The following PARP14 variants were observed in gnomAD, a reference collection of about 807,000 sequenced individuals.
The protein encoded by PARP14 is protein mono-ADP-ribosyltransferase PARP14.
Under a neutral mutation model 154.2 loss-of-function variants are expected in PARP14, and 59 were observed. The ratio of observed to expected loss-of-function variants is 0.38; its 90% CI spans 0.31 to 0.48. PARP14 has a LOEUF of 0.48. Ranked by LOEUF, PARP14 falls within the 20% of genes least tolerant of loss-of-function variation. The pLI is 0.98. For missense variants in PARP14, 1,734 were observed against 2,131.6 expected, an observed-to-expected ratio of 0.81 and a Z score of 3.67; for synonymous variants, 720 against 780.5, an observed-to-expected ratio of 0.92 and a Z score of 1.29.
chr3:122,688,987 G>A (rs1938460358), intron 3 of PARP14, among the ~76,000 whole-genome samples: 1 of 152,188 alleles, frequency 6.6e-6, no homozygotes, highest in African/African-American at 2.4e-5. Flanking sequence ...GGCTGGGTCT[G>A]AAAGGTGGAA....
Position 122,701,551 on chromosome 3 carries a change from G to C in PARP14, c.2997G>C (p.Gly999=), listed in dbSNP as rs754312373. The part of the protein sequence containing the change: ...PGLPPAAAGP[G]KTSWEKGSLV... Reference sequence around the variant, plus strand: ...TACCACCAGCAGCAGCGGGGCCTGGGAAAACATCATGGGAAAAAGGAAGCC... The same window carrying C: ...TACCACCAGCAGCAGCGGGGCCTGGCAAAACATCATGGGAAAAAGGAAGCC... Residue 999 remains glycine (G), a synonymous_variant, in exon 6 of 17, where the codon GGG becomes GGC. Transcript: ENST00000474629. This position sits in a 1 kb window ranked among gnomAD's most constrained non-coding sequence, Gnocchi z 4.0. The C allele has an allele frequency of 6.2e-7, 1 of 1,610,814 alleles. No individual in the cohort carries two copies. The highest frequency in any genetic ancestry group is 1.7e-5 in the Admixed American group (1 of 59,354).
intron 5 of PARP14, among the ~76,000 whole-genome samples, chr3:122,697,180 C>G (rs2107641903): frequency 6.6e-6 from 1 of 152,242 alleles, no homozygotes; most frequent in South Asian, 2.1e-4. Context: ...TCTTGAACTC[C>G]TGGGCTCAAG....
chr3:122,728,056 G>C, intron 16 of PARP14, 70 bp downstream of exon 16: 1 of 1,393,212 alleles, frequency 7.2e-7, no homozygotes, highest in South Asian at 1.3e-5. Context: ...GGCTGGGACA[G>C]TGTGGATTCA....
intron 12 of PARP14, among the ~76,000 whole-genome samples, chr3:122,717,479 G>GATCTCCA (rs1560079676): frequency 6.6e-6 from 1 of 151,748 alleles, no homozygotes; most frequent in Non-Finnish European, 1.5e-5. Flanking sequence ...GGAGGGAAAG[G>GATCTCCA]CTTCTTGGAG....
At chr3:122,708,372 T>G in intron 9 of PARP14, 104 bp downstream of exon 9, 1 of 650,354 alleles carries the variant, frequency 1.5e-6, no homozygotes, top group East Asian at 2.7e-5. Context: ...AAAAAATCAA[T>G]GAGTGACAAA....
intron 11 of PARP14, 125 bp downstream of exon 11, chr3:122,714,059 A>C (rs968491813): frequency 1.2e-6 from 1 of 823,186 alleles, no homozygotes; most frequent in East Asian, 2.5e-5. Context: ...TTACTAAAGA[A>C]TTCCAATCAC....
Position 122,728,288 on chromosome 3 carries a change from A to C in PARP14, c.5117-20A>C. 6.3e-7 allele frequency: 1 copy of C among 1,599,518 alleles called. No homozygotes were observed. Among genetic ancestry groups the C allele is most frequent in the Non-Finnish European group, 8.6e-7 (1 of 1,168,324 alleles). On this transcript the variant is annotated intron_variant, in intron 16 of 16. Transcript: ENST00000474629. The stretch of plus-strand genomic sequence containing the variant: ...TTTACATTAACTTGAAATGCTTAAA[A>C]ATGGTTTTTCTTTTCACAGCTGTGG...
At chr3:122,713,746 C>A in intron 10 of PARP14, 126 bp from the exon 11 acceptor site, 1 of 858,396 alleles carries the variant, frequency 1.2e-6, no homozygotes, top group Non-Finnish European at 1.9e-6. Context: ...TCTTCTTTGT[C>A]ATCAGCAATA....
chr3:122,701,742 G>A lies in PARP14; in HGVS notation c.3081+107G>A. On this transcript the variant is annotated intron_variant, in intron 6 of 16. Transcript: ENST00000474629. The surrounding 1 kb of genome is among the most constrained non-coding windows in gnomAD (Gnocchi z 4.0). The stretch of plus-strand genomic sequence containing the variant: ...GATAAGGACCAAGGTGAGAATCAAG[G>A]GAGAGAATCCCATGCCTTCCACCCC... The A allele has an allele frequency of 1.2e-6, 1 of 833,542 alleles. No individual in the cohort carries two copies. The highest frequency in any genetic ancestry group is 1.8e-6 in the Non-Finnish European group (1 of 541,106). The allele number at this position is 833,542 out of a possible 1,614,324, so 51.6% of individuals were successfully genotyped here.
At chr3:122,686,537 T>C (rs1462725600) in intron 2 of PARP14, among the ~76,000 whole-genome samples, 2 of 151,816 alleles carry the variant, frequency 1.3e-5, no homozygotes, top group Admixed American at 1.3e-4. Context: ...TAGCTCACTG[T>C]AATCTTGAAC....
At chr3:122,713,678 CTT>C (rs1439142673) in intron 10 of PARP14, 105 bp downstream of exon 10, 2 of 1,076,574 alleles carry the variant, frequency 1.9e-6, no homozygotes, top group Non-Finnish European at 1.4e-6. Flanking sequence ...TAATTAATAA[CTT>C]TTAAATTATG....
chr3:122,722,937 T>A (rs541062710), intron 15 of PARP14, among the ~76,000 whole-genome samples: 24 of 98,480 alleles, frequency 2.4e-4, no homozygotes, highest in African/African-American at 9.4e-4. Flanking sequence ...CATTTCATAT[T>A]TTTTTTTTTT....
rs764363950 is a variant in PARP14 at position 122,700,218 on chromosome 3, C to T, written c.1664C>T (p.Ser555Phe). Residue 555 changes from serine (S) to phenylalanine (F), a missense_variant, in exon 6 of 17, where the codon TCT becomes TTT. This residue lies in a region of PARP14 where 1,646 missense variants were observed against 1,976.0 expected (regional missense o/e 0.83). Coordinates refer to ENST00000474629, the MANE Select transcript of PARP14 (RefSeq NM_017554.3). ...FLQQVNWKEFSKCLFIAQKIL... is the reference protein window; with the variant it reads ...FLQQVNWKEFFKCLFIAQKIL... ...CAACAGGTAAACTGGAAAGAATTCT[C>T]TAAGTGTCTTTTCATAGCACAGAAG... 23 of 1,611,716 alleles carry T rather than the reference C, an allele frequency of 1.4e-5. No individual in the cohort carries two copies.
At position 122,699,502 on chromosome 3, in the gene PARP14, C is replaced by T. The variant is rs2107643035; in HGVS notation, c.948C>T (p.Ile316=). 1 of 1,613,808 alleles carries T rather than the reference C, an allele frequency of 6.2e-7. No individual in the cohort carries two copies. The highest frequency in any genetic ancestry group is 1.1e-5 in the South Asian group (1 of 91,074). Residue 316 remains isoleucine, a synonymous_variant, in exon 6 of 17, where the codon ATC becomes ATT. Transcript: ENST00000474629. Reference sequence around the variant, plus strand: ...TGTATGGAAAGGAGAAGCCTCTGATCAAGCTTCCAGCACCATTTGAAGAGT... The same window carrying T: ...TGTATGGAAAGGAGAAGCCTCTGATTAAGCTTCCAGCACCATTTGAAGAGT... ...TALYGKEKPL[I]KLPAPFEESL...
intron 3 of PARP14, among the ~76,000 whole-genome samples, chr3:122,689,667 T>C (rs981547680): frequency 7.9e-5 from 12 of 152,294 alleles, no homozygotes; most frequent in African/African-American, 2.9e-4. Flanking sequence ...CCTTCCTTTT[T>C]ACCTCACAAG....
chr3:122,709,654 G>A (rs188562278), intron 9 of PARP14, among the ~76,000 whole-genome samples: 2 of 152,202 alleles, frequency 1.3e-5, no homozygotes, highest in Admixed American at 6.5e-5. Flanking sequence ...TTTGCATTCC[G>A]ACTAGCAATG....
chr3:122,693,006 T>G (rs1238478269), intron 4 of PARP14, among the ~76,000 whole-genome samples: 3 of 152,232 alleles, frequency 2.0e-5, no homozygotes, highest in Non-Finnish European at 4.4e-5. Context: ...CCAGCCTCTT[T>G]ACGTGTATTA....
In PARP14 at chr3:122,720,275, A is replaced by G; in HGVS notation, c.4828A>G (p.Ser1610Gly). 6.2e-7 allele frequency: 1 copy of G among 1,613,344 alleles called. No individual in the cohort carries two copies. Among genetic ancestry groups the G allele is most frequent in the Non-Finnish European group, 8.5e-7 (1 of 1,179,618 alleles). The change falls in exon 15 of 17, where the codon AGT becomes GGT. Residue 1610 changes from serine to glycine, a missense_variant. Physicochemically the swap from Ser to Gly is moderately conservative, Grantham distance 56. Transcript: ENST00000474629. The part of the protein sequence containing the change: ...KSKVDIPAHW[S>G]DMKQQNFCVV... ...TGCAGTTGACATCCCTGCACACTGG[A>G]GTGATATGAAGCAGCAGAATTTCTG...
Position 122,700,915 on chromosome 3 carries a change from C to T in PARP14, c.2361C>T (p.Pro787=), listed in dbSNP as rs1293663674. 6.2e-6 allele frequency: 10 copies of T among 1,613,852 alleles called. No individual in the cohort carries two copies. Among genetic ancestry groups the T allele is most frequent in the African/African-American group, 4.0e-5 (3 of 74,934 alleles). The change falls in exon 6 of 17, where the codon CCC becomes CCT. Residue 787 remains proline (P), a synonymous_variant. Transcript: ENST00000474629. ...AAGTAATGAAGGAGGGAGGCAGCCC[C>T]GCTGGGCAGAAGTGCTTCTCTCGGA... ...ENEVMKEGGS[P]AGQKCFSRTV...
Sources: gnomAD v4.1 joint callset for allele counts (sites outside exome capture counted in the v4.1 genomes callset) on GRCh38, gnomAD v4.1.1 for gene constraint, gnomAD v4.1.1 regional missense constraint, Gnocchi (gnomAD v3.1) non-coding constraint, MANE v1.5 for transcripts, NCBI Gene and HGNC (gene_info 2026-07-23, HGNC 2026-07-21) for gene names.